AXIN1: variants seen among roughly 807,000 people sequenced by gnomAD.
AXIN1 encodes axin-1.
In AXIN1, 30 loss-of-function variants were observed where a neutral mutation model predicts 76.4. The observed-to-expected ratio is 0.39, with a 90% CI of 0.29 to 0.53. The LOEUF (loss-of-function observed/expected upper bound fraction) is 0.53, where lower values mean the gene tolerates loss of function less well. Among genes scored for constraint, AXIN1 ranks in the 20% least tolerant of loss-of-function variants. The pLI, the probability that AXIN1 is intolerant of heterozygous loss-of-function variation, is 0.66. For synonymous variants in AXIN1, 545 were observed against 501.4 expected (o/e 1.09, Z -1.16); for missense variants, 1,140 against 1,198.8 (o/e 0.95, Z 0.72).
At chr16:333,108 G>A (rs946876148) in intron 2 of AXIN1, among the ~76,000 whole-genome samples, 5 of 152,092 alleles carry the variant, frequency 3.3e-5, no homozygotes, top group South Asian at 2.1e-4. Context: ...CGAGGCAGGC[G>A]GATCACCTGA....
chr16:325,729 G>A (rs1382641609), intron 2 of AXIN1, among the ~76,000 whole-genome samples: 2 of 152,172 alleles, frequency 1.3e-5, no homozygotes, highest in African/African-American at 4.8e-5. Context: ...GAAGAAGAGA[G>A]GAGAGCCATT....
In AXIN1 at chr16:288,335, C is replaced by A. The variant is rs775725102; in HGVS notation, c.2463-87G>T. ...TGGCAGGGGACGGCGTGTCCACACC[C>A]CATCCCGAGGAGCCTCCTGTCCATG... On this transcript the variant is annotated intron_variant, in intron 10 of 10. Coordinates refer to ENST00000262320, the MANE Select transcript of AXIN1 (RefSeq NM_003502.4). 1.9e-6 allele frequency: 3 copies of A among 1,595,550 alleles called. No homozygotes were observed. The Admixed American group carries it at 5.0e-5, about 27-fold the overall frequency.
chr16:288,632 T>C (rs1333107172), intron 10 of AXIN1, among the ~76,000 whole-genome samples: 1 of 152,140 alleles, frequency 6.6e-6, no homozygotes, highest in East Asian at 1.9e-4. Context: ...AGTCATGGGG[T>C]GTTTGCACAG....
chr16:290,819 A>G (rs2052535086), intron 9 of AXIN1: 1 of 387,838 alleles, frequency 2.6e-6, no homozygotes, highest in Admixed American at 3.7e-5. Flanking sequence ...TGCAGCCCCG[A>G]GCCTGGTCAA....
intron 2 of AXIN1, among the ~76,000 whole-genome samples, chr16:318,927 C>T (rs539134499): frequency 6.6e-6 from 1 of 151,844 alleles, no homozygotes; most frequent in South Asian, 2.1e-4. Context: ...TGGCTCTGAC[C>T]CCTGGCTGTG....
At chr16:330,253 G>A (rs1812761286) in intron 2 of AXIN1, among the ~76,000 whole-genome samples, 1 of 151,624 alleles carries the variant, frequency 6.6e-6, no homozygotes, top group Non-Finnish European at 1.5e-5. Context: ...TCTAGAGATG[G>A]GGGTCTCCCT....
chr16:343,682 G>A (rs773654569), intron 2 of AXIN1, among the ~76,000 whole-genome samples: 1 of 150,798 alleles, frequency 6.6e-6, no homozygotes, highest in Admixed American at 6.6e-5. Context: ...CAGCCTGGGC[G>A]ACAGAGCGAG....
intron 3 of AXIN1, among the ~76,000 whole-genome samples, chr16:312,765 G>A (rs1292555099): frequency 6.6e-6 from 1 of 152,268 alleles, no homozygotes; most frequent in Non-Finnish European, 1.5e-5. Context: ...GCTACCTGGG[G>A]AAAAACCAAG....
chr16:331,658 T>G (rs2053692796), intron 2 of AXIN1, among the ~76,000 whole-genome samples: 1 of 152,208 alleles, frequency 6.6e-6, no homozygotes, highest in African/African-American at 2.4e-5. Context: ...AAACAAAAAC[T>G]GCCTGGACTG....
At position 346,908 on chromosome 16, in the gene AXIN1, C is replaced by A. The variant is rs753659585; in HGVS notation, c.118G>T (p.Ala40Ser). Reference protein sequence around the residue: ...GELVSTDPRPASYSFCSGKGV... With the variant: ...GELVSTDPRPSSYSFCSGKGV... ...TTCCCGGAGCAGAAACTGTAGCTGG[C>A]GGGCCTCGGGTCTGTGGACACCAGT... Residue 40 changes from alanine (A) to serine (S), a missense_variant, in exon 2 of 11, where the codon GCC (alanine) becomes TCC (serine). Coordinates refer to ENST00000262320, the MANE Select transcript of AXIN1 (RefSeq NM_003502.4). 1.9e-6 allele frequency: 3 copies of A among 1,613,758 alleles called. No homozygotes were observed. The highest frequency in any genetic ancestry group is 1.1e-5 in the South Asian group (1 of 91,074).
intron 2 of AXIN1, among the ~76,000 whole-genome samples, chr16:322,083 G>C (rs1236710070): frequency 6.6e-6 from 1 of 152,218 alleles, no homozygotes; most frequent in Non-Finnish European, 1.5e-5. Context: ...TGGCCGCACA[G>C]ACCCAAAGAT....
At chr16:288,446 TG>T in intron 10 of AXIN1, 198 bp from the exon 11 acceptor site, 5 of 778,474 alleles carry the variant, frequency 6.4e-6, no homozygotes, top group Non-Finnish European at 1.0e-5. Flanking sequence ...TGGGCAGCCA[TG>T]GGGGGTGAGT....
intron 1 of AXIN1, among the ~76,000 whole-genome samples, chr16:349,610 T>C (rs1432181272): frequency 1.3e-5 from 2 of 152,198 alleles, no homozygotes; most frequent in Admixed American, 6.5e-5. Flanking sequence ...GTGTTAATTA[T>C]TGGTAGTAGC....
chr16:337,149 CAAAAAAAAAA>C (rs398028563), intron 2 of AXIN1, among the ~76,000 whole-genome samples: 5 of 30,584 alleles, frequency 1.6e-4, no homozygotes, highest in South Asian at 1.7e-3. Context: ...GACCCCGTCT[CAAAAAAAAAA>C]AAAAAAAAAA....
chr16:291,396 G>T, intron 8 of AXIN1, 99 bp from the exon 9 acceptor site: 2 of 1,047,394 alleles, frequency 1.9e-6, no homozygotes, highest in Non-Finnish European at 2.8e-6. Flanking sequence ...GACGGAGCGT[G>T]AAGGGCCCGA....
intron 2 of AXIN1, among the ~76,000 whole-genome samples, chr16:333,983 A>C (rs2053747104): frequency 6.6e-6 from 1 of 151,240 alleles, no homozygotes; most frequent in African/African-American, 2.4e-5. Context: ...CAGCAATAAC[A>C]CAGCATGCAG....
chr16:315,029 C>T (rs182833518), intron 2 of AXIN1, among the ~76,000 whole-genome samples: 7 of 152,294 alleles, frequency 4.6e-5, no homozygotes, highest in Admixed American at 2.6e-4. Context: ...TTCTGCAGTG[C>T]GCGTCGGGAG....
intron 3 of AXIN1, 109 bp downstream of exon 3, chr16:314,434 G>A: frequency 6.5e-6 from 10 of 1,532,500 alleles, no homozygotes; most frequent in Non-Finnish European, 8.9e-6. Context: ...CAAGAAACAG[G>A]GTGTCTGGGG....
intron 2 of AXIN1, among the ~76,000 whole-genome samples, chr16:329,897 T>TA (rs1462804334): frequency 2.0e-5 from 3 of 150,910 alleles, no homozygotes; most frequent in Non-Finnish European, 1.5e-5. Context: ...CCTCCCAGAG[T>TA]GCTGGGATAA....
Sources: allele counts gnomAD v4.1 joint callset (sites outside exome capture counted in the v4.1 genomes callset), GRCh38; gene constraint gnomAD v4.1.1; transcripts MANE v1.5; gene names NCBI Gene and HGNC (gene_info 2026-07-23, HGNC 2026-07-21).